LILRA2: variants seen among roughly 807,000 people sequenced by gnomAD.
LILRA2 encodes leukocyte immunoglobulin-like receptor subfamily A member 2.
Under a neutral mutation model 47.9 loss-of-function variants are expected in LILRA2, and 45 were observed. The observed-to-expected ratio is 0.94, with a 90% CI of 0.74 to 1.20. The LOEUF is 1.20. LILRA2 is among the 50% of genes most tolerant of loss of function. The probability of loss-of-function intolerance (pLI) is 0.00; values close to 1 mark genes in which losing one functional copy is unlikely to be tolerated. For synonymous variants in LILRA2, 279 were observed against 249.2 expected (o/e 1.12, Z -1.13); for missense variants, 651 against 598.2 (o/e 1.09, Z -0.92).
intron 6 of LILRA2, among the ~76,000 whole-genome samples, chr19:54,583,871 G>A (rs1259503693): frequency 6.6e-6 from 1 of 152,106 alleles, no homozygotes; most frequent in African/African-American, 2.4e-5. Context: ...TAGTGTCAGT[G>A]GTCTTTACCA....
intron 6 of LILRA2, among the ~76,000 whole-genome samples, chr19:54,582,891 C>T (rs2062685147): frequency 6.6e-6 from 1 of 152,076 alleles, no homozygotes; most frequent in Non-Finnish European, 1.5e-5. Flanking sequence ...TTAGATCTTT[C>T]CTGCTTTCTC....
rs1338296976 is a variant in LILRA2 at position 54,576,004 on chromosome 19, C to T, written c.1150C>T (p.Pro384Ser). 5.6e-6 allele frequency: 9 copies of T among 1,613,842 alleles called. No individual in the cohort carries two copies. The highest frequency in any genetic ancestry group is 6.8e-6 in the Non-Finnish European group (8 of 1,179,984). Residue 384 changes from proline to serine, a missense_variant, in exon 6 of 8, where the codon CCT (proline) becomes TCT (serine). Pro to Ser is a moderately conservative substitution (Grantham distance 74, BLOSUM62 -1). Coordinates refer to ENST00000391738, the MANE Select transcript of LILRA2 (RefSeq NM_001130917.3). ...QQNQAEFRMG[P>S]VTSAHVGTYR... ...GAACCAGGCTGAATTCCGCATGGGT[C>T]CTGTGACCTCAGCCCACGTGGGGAC...
At position 54,587,624 on chromosome 19, in the gene LILRA2, A is replaced by G. The variant is rs2062853965; in HGVS notation, c.*278A>G. On this transcript the variant is annotated 3_prime_UTR_variant, in exon 8 of 8. Transcript: ENST00000391738. ...CCCCAGACATGAGGCTCCATCCCAC[A>G]TGGCACCGTTGGGTCCACACCTCCA... is the stretch of plus-strand genomic sequence containing the variant. The G allele has an allele frequency of 1.8e-6, 1 of 542,852 alleles. No individual in the cohort carries two copies. Among genetic ancestry groups the G allele is most frequent in the Non-Finnish European group, 3.2e-6 (1 of 308,218 alleles). The allele number at this position is 542,852 out of a possible 1,614,324, so 33.6% of individuals were successfully genotyped here. A position where few individuals can be genotyped will look rare whatever the true frequency, so the allele number is the denominator to read the frequency against.
intron 6 of LILRA2, among the ~76,000 whole-genome samples, chr19:54,585,833 G>T (rs1025643949): frequency 6.6e-6 from 1 of 152,168 alleles, no homozygotes; most frequent in Non-Finnish European, 1.5e-5. Context: ...AGATAAACCA[G>T]GTACCTCAGT....
rs780263633 is a variant in LILRA2 at position 54,574,992 on chromosome 19, T to A, written c.614T>A (p.Val205Glu). 40 of 1,614,080 alleles carry A rather than the reference T, an allele frequency of 2.5e-5. No individual in the cohort carries two copies. Among genetic ancestry groups the A allele is most frequent in the South Asian group, 2.1e-4 (19 of 91,092 alleles). ...GCTTATGACTCGAACTCTCCCTATG[T>A]GTGGTCTCTACCCAGTGATCTCCTG... ...CYAYDSNSPY[V>E]WSLPSDLLEL... Residue 205 changes from valine (V) to glutamate (E), a missense_variant, in exon 4 of 8, where the codon GTG (valine) becomes GAG (glutamate). Val to Glu is a moderately radical substitution (Grantham distance 121, BLOSUM62 -2). Coordinates refer to ENST00000391738, the MANE Select transcript of LILRA2 (RefSeq NM_001130917.3).
chr19:54,579,082 T>C (rs1299661721), intron 6 of LILRA2, among the ~76,000 whole-genome samples: 2 of 152,276 alleles, frequency 1.3e-5, no homozygotes, highest in Non-Finnish European at 2.9e-5. Flanking sequence ...ACTCTCATGA[T>C]AGTTTCTTTT....
chr19:54,583,659 G>A (rs1008806034), intron 6 of LILRA2, among the ~76,000 whole-genome samples: 1 of 150,666 alleles, frequency 6.6e-6, no homozygotes, highest in African/African-American at 2.4e-5. Context: ...TTGAGCCTAT[G>A]TGTGTCTCTG....
Position 54,589,367 on chromosome 19 carries a change from G to C in LILRA2, c.*2021G>C, listed in dbSNP as rs1270604187. The C allele has an allele frequency of 6.6e-6, 1 of 152,104 alleles. No individual in the cohort carries two copies. Among genetic ancestry groups the C allele is most frequent in the Non-Finnish European group, 1.5e-5 (1 of 68,032 alleles). 9.4% of individuals were successfully genotyped at this position (152,104 alleles called of 1,614,324 possible). ...CAAATACAAAAATTAGGTGGGTGTG[G>C]TGGTACACGCCTGTAATCCCAGCTA... On this transcript the variant is annotated 3_prime_UTR_variant, in exon 8 of 8. Transcript: ENST00000391738.
upstream of LILRA2, chr19:54,573,733 A>C (rs2062224919): frequency 2.6e-6 from 4 of 1,538,928 alleles, no homozygotes; most frequent in East Asian, 2.3e-5. Context: ...CTGAGAGGGC[A>C]GTTGCACTTC....
chr19:54,581,846 C>A (rs2062645761), intron 6 of LILRA2, among the ~76,000 whole-genome samples: 2 of 149,270 alleles, frequency 1.3e-5, no homozygotes, highest in South Asian at 4.2e-4. Flanking sequence ...AAAAAAGAGC[C>A]CGCATTGTGC....
chr19:54,574,582 G>A lies in LILRA2; in HGVS notation c.352G>A (p.Gly118Arg). Residue 118 changes from glycine (G) to arginine (R), a missense_variant and splice_region_variant, in exon 3 of 8, where the codon GGA becomes AGA. Transcript: ENST00000391738. ...YSDPLELVVT[G>R]AYSKPTLSAL... ...TGACCCCCTGGAGCTGGTGGTGACA[G>A]GTGAGAGGACACTCAGGAGTCCCAG... 1 of 1,613,924 alleles carries A rather than the reference G, an allele frequency of 6.2e-7. No homozygotes were observed. The highest frequency in any genetic ancestry group is 8.5e-7 in the Non-Finnish European group (1 of 1,179,840).
At chr19:54,581,768 C>G (rs2062642384) in intron 6 of LILRA2, among the ~76,000 whole-genome samples, 1 of 149,374 alleles carries the variant, frequency 6.7e-6, no homozygotes, top group African/African-American at 2.6e-5. Flanking sequence ...TCAATGCCAT[C>G]CCCATCAAGC....
chr19:54,573,382 A>G, upstream of LILRA2: 1 of 836,132 alleles, frequency 1.2e-6, no homozygotes, highest in Middle Eastern at 2.3e-4. Context: ...TAACTGCAGC[A>G]TGGACCTGGG....
rs753351283 is a variant in LILRA2 at position 54,576,025 on chromosome 19, G to A, written c.1171G>A (p.Gly391Arg). 1.2e-6 allele frequency: 2 copies of A among 1,613,958 alleles called. No homozygotes were observed. Among genetic ancestry groups the A allele is most frequent in the African/African-American group, 1.3e-5 (1 of 74,970 alleles). The part of the protein sequence containing the change: ...RMGPVTSAHV[G>R]TYRCYSSLSS... ...GGGTCCTGTGACCTCAGCCCACGTG[G>A]GGACCTACAGATGCTACAGCTCACT... is the stretch of plus-strand genomic sequence containing the variant. The change falls in exon 6 of 8, where the codon GGG (glycine) becomes AGG (arginine). Residue 391 changes from glycine to arginine, a missense_variant. Physicochemically the swap from Gly to Arg is moderately radical, Grantham distance 125. Coordinates refer to ENST00000391738, the MANE Select transcript of LILRA2 (RefSeq NM_001130917.3).
At position 54,587,672 on chromosome 19, in the gene LILRA2, C is replaced by A. The variant is rs577455492; in HGVS notation, c.*326C>A. 1.4e-5 allele frequency: 5 copies of A among 366,078 alleles called. No homozygotes were observed. Among genetic ancestry groups the A allele is most frequent in the Middle Eastern group, 7.4e-4 (1 of 1,354 alleles). 22.7% of individuals were successfully genotyped at this position (366,078 alleles called of 1,614,324 possible). A position where few individuals can be genotyped will look rare whatever the true frequency, so the allele number is the denominator to read the frequency against. ...CCACACACCTGTGTGCTCTGGTCCA[C>A]GGCATGTGACACAGTCTTCCTTATT... On this transcript the variant is annotated 3_prime_UTR_variant, in exon 8 of 8. Transcript: ENST00000391738.
At chr19:54,583,630 C>T (rs1195562657) in intron 6 of LILRA2, among the ~76,000 whole-genome samples, 2 of 151,204 alleles carry the variant, frequency 1.3e-5, no homozygotes, top group African/African-American at 2.4e-5. Context: ...CTTGGTAGAT[C>T]TTCCTCCATA....
rs184804886 is a variant in LILRA2, at chr19:54,583,680, G to A, written c.1256-3330G>A. On this transcript the variant is annotated intron_variant, in intron 6 of 7. Transcript: ENST00000391738. Reference sequence around the variant, plus strand: ...CTATGTGTGTCTCTGCACATGAGATGGGTCTCCTGAATACAGCACACTGAT... The same window carrying A: ...CTATGTGTGTCTCTGCACATGAGATAGGTCTCCTGAATACAGCACACTGAT... 1.4e-4 allele frequency among the ~76,000 whole-genome samples: 21 copies of A among 151,754 alleles called. No homozygotes were observed. The East Asian group carries it at 3.9e-3, about 28-fold the overall frequency.
At position 54,574,678 on chromosome 19, in the gene LILRA2, G is replaced by T; in HGVS notation, c.353-53G>T. 5.6e-6 allele frequency: 9 copies of T among 1,602,238 alleles called. No individual in the cohort carries two copies. The South Asian group carries it at 1.0e-4, about 18-fold the overall frequency. On this transcript the variant is annotated intron_variant, in intron 3 of 7. Transcript: ENST00000391738. Reference sequence around the variant, plus strand: ...TCCGCTCTCACAGCTCAACCCTGGGGATGATGTGGGAGGTGGGAGCCCCAT... The same window carrying T: ...TCCGCTCTCACAGCTCAACCCTGGGTATGATGTGGGAGGTGGGAGCCCCAT...
At position 54,577,300 on chromosome 19, in the gene LILRA2, G is replaced by A. The variant is rs190261990; in HGVS notation, c.1255+1191G>A. On this transcript the variant is annotated intron_variant, in intron 6 of 7. Transcript: ENST00000391738. ...CCTGGCCTTGTCCTGCAGGATGTGT[G>A]ATGAGTAGAGGAAGGAGAACAGGCT... 3.1e-3 allele frequency among the ~76,000 whole-genome samples: 468 copies of A among 152,060 alleles called. No homozygotes were observed. The South Asian group carries it at 0.063, about 20-fold the overall frequency.
Sources: gnomAD v4.1 joint callset for allele counts (sites outside exome capture counted in the v4.1 genomes callset) on GRCh38, gnomAD v4.1.1 for gene constraint, MANE v1.5 for transcripts, NCBI Gene and HGNC (gene_info 2026-07-23, HGNC 2026-07-21) for gene names.